ETFB: variants seen among roughly 807,000 people sequenced by gnomAD.
ETFB encodes electron transfer flavoprotein subunit beta.
In ETFB, 20 loss-of-function variants were observed where a neutral mutation model predicts 25.6. The ratio of observed to expected loss-of-function variants is 0.78; its 90% CI spans 0.55 to 1.14. The LOEUF (loss-of-function observed/expected upper bound fraction) is 1.14, where lower values mean the gene tolerates loss of function less well. Ranked by LOEUF, ETFB falls within the 50% of genes most tolerant of loss-of-function variation. ETFB has a pLI of 0.00. For synonymous variants in ETFB, 142 were observed against 146.7 expected, an observed-to-expected ratio of 0.97 and a Z score of 0.23; for missense variants, 286 against 342.6, an observed-to-expected ratio of 0.83 and a Z score of 1.30.
At position 51,349,421 on chromosome 19, in the gene ETFB, T is replaced by C. The variant is rs1439560253; in HGVS notation, c.438+908A>G. 2.6e-5 allele frequency among the ~76,000 whole-genome samples: 4 copies of C among 151,838 alleles called. No individual in the cohort carries two copies. In the South Asian group the frequency reaches 6.2e-4, roughly 24 times the overall value. ...ACTTTTTTATGTAGCTGTGAAAAAT[T>C]TTAAATTTGTCTATGTGCCTTGCTT... On this transcript the variant is annotated intron_variant, in intron 4 of 5. Transcript: ENST00000309244.
intron 1 of ETFB, chr19:51,354,523 TG>T (rs1209083331): frequency 1.2e-6 from 2 of 1,614,238 alleles, no homozygotes; most frequent in South Asian, 1.1e-5. Context: ...CAGCCATTCC[TG>T]GGTACCAGGG....
At chr19:51,349,291 C>T (rs1985871136) in intron 4 of ETFB, among the ~76,000 whole-genome samples, 1 of 152,018 alleles carries the variant, frequency 6.6e-6, no homozygotes, top group African/African-American at 2.4e-5. Flanking sequence ...AACCCCATTG[C>T]TTGTAGAGCA....
Position 51,349,698 on chromosome 19 carries a change from G to A in ETFB, c.438+631C>T, listed in dbSNP as rs891168374. On this transcript the variant is annotated intron_variant, in intron 4 of 5. Coordinates refer to ENST00000309244, the MANE Select transcript of ETFB (RefSeq NM_001985.3). ...GGGCTCAAGTAATCCTCCCACCGTGGCCTCCCAAAGTGCTAGGACTACAGG... is the reference window on the plus strand; with the variant it reads ...GGGCTCAAGTAATCCTCCCACCGTGACCTCCCAAAGTGCTAGGACTACAGG... Among the ~76,000 whole-genome samples, 5 of 151,900 alleles carry A rather than the reference G, an allele frequency of 3.3e-5. No individual in the cohort carries two copies. In the South Asian group the frequency reaches 6.2e-4, roughly 19 times the overall value.
intron 2 of ETFB, 115 bp from the exon 3 acceptor site, chr19:51,353,405 T>C (rs1985980446): frequency 1.1e-6 from 1 of 927,386 alleles, no homozygotes; most frequent in Non-Finnish European, 1.7e-6. Flanking sequence ...CCCTCCTTCC[T>C]CAGACCCAGG....
intron 1 of ETFB, among the ~76,000 whole-genome samples, chr19:51,362,333 G>A (rs1165924326): frequency 5.3e-5 from 8 of 152,002 alleles, no homozygotes; most frequent in South Asian, 2.1e-4. Flanking sequence ...ATCCCAGCAC[G>A]TTGGGAGGCT....
intron 4 of ETFB, among the ~76,000 whole-genome samples, chr19:51,349,474 G>GTTTTTTTTT (rs1985877821): frequency 6.8e-6 from 1 of 147,050 alleles, no homozygotes; most frequent in Admixed American, 6.7e-5. Flanking sequence ...TTGAGACAGG[G>GTTTTTTTTT]TTTCCCTCTT....
Position 51,354,165 on chromosome 19 carries a change from C to T in ETFB, c.201G>A (p.Gly67=), listed in dbSNP as rs1220507875. 6.2e-7 allele frequency: 1 copy of T among 1,614,088 alleles called. No homozygotes were observed. The highest frequency in any genetic ancestry group is 8.5e-7 in the Non-Finnish European group (1 of 1,180,022). ...LVKEVIAVSC[G]PAQCQETIRT... ...CCTTCATCACCTGGCACTGTGCAGGCCCACAGCTGACGGCGATGACCTCCT... is the reference window on the plus strand; with the variant it reads ...CCTTCATCACCTGGCACTGTGCAGGTCCACAGCTGACGGCGATGACCTCCT... Residue 67 remains glycine (G), a synonymous_variant, in exon 2 of 6, where the codon GGG becomes GGA. Coordinates refer to ENST00000309244, the MANE Select transcript of ETFB (RefSeq NM_001985.3).
At position 51,354,285 on chromosome 19, in the gene ETFB, G is replaced by T; in HGVS notation, c.81C>A (p.Thr27=). 1 of 1,614,158 alleles carries T rather than the reference G, an allele frequency of 6.2e-7. No homozygotes were observed. The highest frequency in any genetic ancestry group is 8.5e-7 in the Non-Finnish European group (1 of 1,180,030). ...GCTTCACACCATCCGTGACCACACC[G>T]GTCCTGTCAGGCTTCACTCGGATCT... ...AVKIRVKPDR[T]GVVTDGVKHS... is the part of the protein sequence containing the mutation. The change falls in exon 2 of 6, where the codon ACC becomes ACA. Residue 27 remains threonine, a synonymous_variant. Coordinates refer to ENST00000309244, the MANE Select transcript of ETFB (RefSeq NM_001985.3).
At chr19:51,362,144 C>T (rs182191494) in intron 1 of ETFB, among the ~76,000 whole-genome samples, 5 of 139,802 alleles carry the variant, frequency 3.6e-5, no homozygotes, top group African/African-American at 1.1e-4. Context: ...CAGAAACATA[C>T]ACACAGCCGG....
At chr19:51,365,245 A>C (rs940883974) in intron 1 of ETFB, 4 of 152,220 alleles carry the variant, frequency 2.6e-5, no homozygotes, top group Non-Finnish European at 5.9e-5. Context: ...AAAGGACTGA[A>C]TGGGTTAATC....
chr19:51,347,038 C>T lies in ETFB; in HGVS notation c.459G>A (p.Val153=). Residue 153 remains valine, a synonymous_variant, in exon 5 of 6, where the codon GTG becomes GTA. Transcript: ENST00000309244. ...DWPQGTFASQ[V]TLEGDKLKVE... ...CTTTCAACTTGTCCCCCTCCAGCGT[C>T]ACCTGGGAGGCGAATGTGCCCTGGG... is the stretch of plus-strand genomic sequence containing the variant. 1 of 1,613,978 alleles carries T rather than the reference C, an allele frequency of 6.2e-7. No homozygotes were observed. Among genetic ancestry groups the T allele is most frequent in the East Asian group, 2.2e-5 (1 of 44,876 alleles).
intron 3 of ETFB, among the ~76,000 whole-genome samples, chr19:51,350,773 G>A (rs1488839977): frequency 2.6e-5 from 4 of 152,174 alleles, no homozygotes; most frequent in Non-Finnish European, 5.9e-5. Flanking sequence ...AGCCAGTCGG[G>A]TTGGCAAACC....
chr19:51,346,535 C>T (rs1458250971), intron 5 of ETFB: 1 of 265,528 alleles, frequency 3.8e-6, no homozygotes, highest in African/African-American at 2.2e-5. Context: ...AGATGATCTA[C>T]ATGGTAACTT....
At chr19:51,358,592 A>G (rs1053196160) in intron 1 of ETFB, among the ~76,000 whole-genome samples, 1 of 152,196 alleles carries the variant, frequency 6.6e-6, no homozygotes, top group Non-Finnish European at 1.5e-5. Context: ...TGAGGTCAAG[A>G]GTTCAAGACC....
chr19:51,361,901 C>A (rs1022124492), intron 1 of ETFB: 1 of 151,962 alleles, frequency 6.6e-6, no homozygotes, highest in Non-Finnish European at 1.5e-5. Flanking sequence ...GACAGAGTTT[C>A]ACTCTGTTGG....
chr19:51,347,043 G>C lies in ETFB; in HGVS notation c.454C>G (p.Gln152Glu). ...AACTTGTCCCCCTCCAGCGTCACCT[G>C]GGAGGCGAATGTGCCCTGGGGAGGG... ...LDWPQGTFAS[Q>E]VTLEGDKLKV... The change falls in exon 5 of 6, where the codon CAG (glutamine) becomes GAG (glutamate). Residue 152 changes from glutamine (Q) to glutamate (E), a missense_variant. Physicochemically the swap from Gln to Glu is conservative, Grantham distance 29. Transcript: ENST00000309244. The C allele has an allele frequency of 6.2e-7, 1 of 1,613,980 alleles. No homozygotes were observed. Among genetic ancestry groups the C allele is most frequent in the Non-Finnish European group, 8.5e-7 (1 of 1,179,970 alleles).
chr19:51,364,490 T>C (rs925631879), intron 1 of ETFB, among the ~76,000 whole-genome samples: 1 of 152,120 alleles, frequency 6.6e-6, no homozygotes, highest in African/African-American at 2.4e-5. Flanking sequence ...CCAGGCTCTG[T>C]GCTGAGTGAT....
chr19:51,351,312 G>A (rs10414730), intron 3 of ETFB, among the ~76,000 whole-genome samples: 132,169 of 152,258 alleles, frequency 0.87, 57,943 homozygotes, highest in African/African-American at 0.94. Flanking sequence ...GCCTGGAGAT[G>A]CAGACAGTGA....
chr19:51,360,927 A>T (rs1986207843), intron 1 of ETFB, among the ~76,000 whole-genome samples: 1 of 152,094 alleles, frequency 6.6e-6, no homozygotes, highest in Non-Finnish European at 1.5e-5. Flanking sequence ...CTGGGACTAC[A>T]GGCGCCTGCC....
Sources: allele counts gnomAD v4.1 joint callset (sites outside exome capture counted in the v4.1 genomes callset), GRCh38; gene constraint gnomAD v4.1.1; transcripts MANE v1.5; gene names NCBI Gene and HGNC (gene_info 2026-07-23, HGNC 2026-07-21).